The following ABHD2 variants were observed in gnomAD, a reference collection of about 807,000 sequenced individuals.
ABHD2 encodes abhydrolase domain containing 2, acylglycerol lipase.
In ABHD2, 20 loss-of-function variants were observed where a neutral mutation model predicts 48.1. The observed-to-expected ratio is 0.42, with a 90% CI of 0.29 to 0.60. The LOEUF (loss-of-function observed/expected upper bound fraction) is 0.60, where lower values mean the gene tolerates loss of function less well. ABHD2 is among the 20% of genes least tolerant of loss of function. ABHD2 has a pLI of 0.24. For missense variants in ABHD2, 405 were observed against 550.9 expected (o/e 0.74, Z 2.65); for synonymous variants, 209 against 214.2 (o/e 0.98, Z 0.21).
intron 1 of ABHD2, among the ~76,000 whole-genome samples, chr15:89,103,268 C>G (rs72760638): frequency 0.02 from 3,016 of 152,308 alleles, 41 homozygotes; most frequent in Non-Finnish European, 0.032. Flanking sequence ...TTTAATAAAG[C>G]AGCTTTCTGC....
intron 5 of ABHD2, among the ~76,000 whole-genome samples, chr15:89,161,005 G>A (rs2050753936): frequency 6.6e-6 from 1 of 152,192 alleles, no homozygotes; most frequent in Non-Finnish European, 1.5e-5. Context: ...CCAGGAGCAT[G>A]ACCTTTTCCT....
At position 89,188,205 on chromosome 15, in the gene ABHD2, T is replaced by A; in HGVS notation, c.828T>A (p.Phe276Leu). ...GTGTTTGCTCTAGGCAAGCTCTTTTTGGAGACCATGTTAAGAAACCCCAGA... is the reference window on the plus strand; with the variant it reads ...GTGTTTGCTCTAGGCAAGCTCTTTTAGGAGACCATGTTAAGAAACCCCAGA... ...KIILSHRQAL[F>L]GDHVKKPQSL... The change falls in exon 8 of 11, where the codon TTT becomes TTA. Residue 276 changes from phenylalanine to leucine, a missense_variant. Physicochemically the swap from Phe to Leu is conservative, Grantham distance 22. Transcript: ENST00000352732. The surrounding 1 kb of genome is among the most constrained non-coding windows in gnomAD (Gnocchi z 4.1). 6.2e-7 allele frequency: 1 copy of A among 1,614,216 alleles called. No individual in the cohort carries two copies. The highest frequency in any genetic ancestry group is 8.5e-7 in the Non-Finnish European group (1 of 1,180,022).
chr15:89,042,978 T>C, the ABHD2 span, among the ~76,000 whole-genome samples: 1 of 152,138 alleles, frequency 6.6e-6, no homozygotes, highest in Admixed American at 6.6e-5. Context: ...TATACCTTCT[T>C]TCTTAATTTG....
chr15:89,114,450 T>C lies in ABHD2; in HGVS notation c.-7+626T>C, dbSNP rs565225398. 6.6e-6 allele frequency among the ~76,000 whole-genome samples: 1 copy of C among 151,726 alleles called. No homozygotes were observed. Among genetic ancestry groups the C allele is most frequent in the South Asian group, 2.1e-4 (1 of 4,816 alleles). On this transcript the variant is annotated intron_variant, in intron 2 of 10. Transcript: ENST00000352732. The surrounding 1 kb of genome is among the most constrained non-coding windows in gnomAD (Gnocchi z 4.2). The stretch of plus-strand genomic sequence containing the variant: ...ATATGACCCCAGGAGTGAGGAGGAG[T>C]GTCACCAGAAGTTAAGTTTTTTTTG...
chr15:89,072,101 C>T, the ABHD2 span, among the ~76,000 whole-genome samples: 242 of 152,226 alleles, frequency 1.6e-3, 1 homozygote, highest in African/African-American at 5.7e-3. Flanking sequence ...AAAATGTCTC[C>T]GTTAGAAACC....
intron 3 of ABHD2, among the ~76,000 whole-genome samples, chr15:89,122,297 T>A (rs1484999619): frequency 6.6e-6 from 1 of 152,232 alleles, no homozygotes; most frequent in Non-Finnish European, 1.5e-5. Flanking sequence ...CTCTTTTCTT[T>A]ATCACTGGAA....
chr15:89,086,634 C>G (rs1468339493), upstream of ABHD2, among the ~76,000 whole-genome samples: 2 of 152,194 alleles, frequency 1.3e-5, no homozygotes, highest in African/African-American at 4.8e-5. Context: ...AGGTTGGTCT[C>G]AGACTCCTGG....
Position 89,151,793 on chromosome 15 carries a change from C to G in ABHD2, c.311C>G (p.Ser104Cys). ...PYGHRKFITM[S>C]DGATSTFDLF... ...GGGCACCGGAAGTTCATCACTATGT[C>G]TGATGGAGCCACTTCTACATTCGAC... Residue 104 changes from serine (S) to cysteine (C), a missense_variant, in exon 4 of 11, where the codon TCT becomes TGT. By Grantham distance (112) the Ser-to-Cys change is moderately radical. Transcript: ENST00000352732. The surrounding 1 kb of genome is among the most constrained non-coding windows in gnomAD (Gnocchi z 4.7). 2 of 1,614,228 alleles carry G rather than the reference C, an allele frequency of 1.2e-6. No individual in the cohort carries two copies. Among genetic ancestry groups the G allele is most frequent in the Non-Finnish European group, 1.7e-6 (2 of 1,180,044 alleles).
chr15:89,143,703 G>A (rs898865471), intron 3 of ABHD2, among the ~76,000 whole-genome samples: 40 of 149,768 alleles, frequency 2.7e-4, no homozygotes, highest in African/African-American at 8.9e-4. Flanking sequence ...AAAAAAAAAT[G>A]TGATTAATTT....
intron 8 of ABHD2, among the ~76,000 whole-genome samples, chr15:89,190,701 C>G (rs117809471): frequency 0.02 from 3,028 of 152,284 alleles, 42 homozygotes; most frequent in Non-Finnish European, 0.033. Context: ...CATCATAAGT[C>G]TCACAGTTCC....
At chr15:89,108,892 G>A (rs963415633) in intron 1 of ABHD2, among the ~76,000 whole-genome samples, 16 of 152,312 alleles carry the variant, frequency 1.1e-4, no homozygotes, top group African/African-American at 2.4e-4. Context: ...CTCTTTAGCC[G>A]AGGACCGCAA....
At chr15:89,127,723 A>ATATATATATATATG (rs1567080081) in intron 3 of ABHD2, among the ~76,000 whole-genome samples, 3 of 27,256 alleles carry the variant, frequency 1.1e-4, no homozygotes, top group African/African-American at 6.9e-4. Context: ...ATATATACAC[A>ATATATATATATATG]TATATATATA....
Position 89,088,665 on chromosome 15 carries a change from C to G in ABHD2, c.-107+102C>G, listed in dbSNP as rs945745307. On this transcript the variant is annotated intron_variant, in intron 1 of 10. Coordinates refer to ENST00000352732, the MANE Select transcript of ABHD2 (RefSeq NM_152924.5). This position sits in a 1 kb window ranked among gnomAD's most constrained non-coding sequence, Gnocchi z 6.8. ...AGGTCCCCGGCGTAGCTCGGCCCAT[C>G]ACGCCGCAGCCTGAGGGGATCCTGG... The G allele has an allele frequency of 6.6e-6, 1 of 152,340 alleles. No homozygotes were observed. The highest frequency in any genetic ancestry group is 2.4e-5 in the African/African-American group (1 of 41,476). 9.4% of individuals were successfully genotyped at this position (152,340 alleles called of 1,614,324 possible). A position where few individuals can be genotyped will look rare whatever the true frequency, so the allele number is the denominator to read the frequency against.
At chr15:89,135,841 C>G (rs2050300406) in intron 3 of ABHD2, 1 of 747,496 alleles carries the variant, frequency 1.3e-6, no homozygotes, top group Non-Finnish European at 2.5e-6. Flanking sequence ...GATATTTGGG[C>G]GATACTCAGA....
At chr15:89,070,192 G>A in the ABHD2 span, 1 of 152,192 alleles carries the variant, frequency 6.6e-6, no homozygotes, top group Non-Finnish European at 1.5e-5. Context: ...AGAGACAATG[G>A]TGAGCCATGT....
chr15:89,141,469 C>G (rs563363617), intron 3 of ABHD2, among the ~76,000 whole-genome samples: 2 of 152,158 alleles, frequency 1.3e-5, no homozygotes, highest in African/African-American at 2.4e-5. Context: ...CCCATCTCTG[C>G]TAAAAATACA....
upstream of ABHD2, among the ~76,000 whole-genome samples, chr15:89,083,310 G>C (rs928492812): frequency 6.6e-6 from 1 of 152,142 alleles, no homozygotes; most frequent in African/African-American, 2.4e-5. The surrounding 1 kb of genome is among the most constrained non-coding windows in gnomAD (Gnocchi z 5.1). Context: ...TTTATCGACT[G>C]TTTTGCAATT....
the ABHD2 span, among the ~76,000 whole-genome samples, chr15:89,049,392 C>T: frequency 6.6e-6 from 1 of 152,246 alleles, no homozygotes. Context: ...GCAGGCAGGC[C>T]TCCTTGAGCT....
the ABHD2 span, among the ~76,000 whole-genome samples, chr15:89,044,678 G>A: frequency 6.6e-6 from 1 of 151,772 alleles, no homozygotes; most frequent in Non-Finnish European, 1.5e-5. Context: ...TTTTTCATGT[G>A]TTTTTTGGCT....
Sources: allele counts gnomAD v4.1 joint callset (sites outside exome capture counted in the v4.1 genomes callset), GRCh38; gene constraint gnomAD v4.1.1; non-coding constraint Gnocchi (gnomAD v3.1); transcripts MANE v1.5; gene names NCBI Gene and HGNC (gene_info 2026-07-23, HGNC 2026-07-21).